SLC9A2: variants seen among roughly 807,000 people sequenced by gnomAD.
The protein encoded by SLC9A2 is sodium/hydrogen exchanger 2.
Under a neutral mutation model 71.7 loss-of-function variants are expected in SLC9A2, and 42 were observed. The observed-to-expected ratio is 0.59, with a 90% confidence interval of 0.46 to 0.76. SLC9A2 has a LOEUF of 0.76. SLC9A2 is among the 30% of genes least tolerant of loss of function. The pLI is 0.00. For synonymous variants in SLC9A2, 396 were observed against 392.5 expected, an observed-to-expected ratio of 1.01 and a Z score of -0.10; for missense variants, 829 against 1,017.4, an observed-to-expected ratio of 0.81 and a Z score of 2.52.
chr2:102,662,420 CTG>C (rs1677066246), intron 2 of SLC9A2, among the ~76,000 whole-genome samples: 1 of 152,156 alleles, frequency 6.6e-6, no homozygotes, highest in Non-Finnish European at 1.5e-5. Context: ...AGACTCAGCT[CTG>C]TGCTAAAGGA....
At chr2:102,671,154 A>G (rs1261282943) in intron 3 of SLC9A2, among the ~76,000 whole-genome samples, 1 of 152,210 alleles carries the variant, frequency 6.6e-6, no homozygotes, top group African/African-American at 2.4e-5. Flanking sequence ...GAGAGTTTAC[A>G]GAGAAGGAAG....
intron 1 of SLC9A2, among the ~76,000 whole-genome samples, chr2:102,654,566 T>C (rs1443396909): frequency 6.6e-6 from 1 of 152,248 alleles, no homozygotes; most frequent in Admixed American, 6.5e-5. Flanking sequence ...TTTAGTGCTA[T>C]GGGTTTAGTC....
intron 1 of SLC9A2, among the ~76,000 whole-genome samples, chr2:102,644,344 G>A (rs1214348124): frequency 6.6e-6 from 1 of 152,158 alleles, no homozygotes; most frequent in Non-Finnish European, 1.5e-5. Context: ...TCCCTTGGGT[G>A]CCTACACAAC....
chr2:102,702,464 G>A lies in SLC9A2; in HGVS notation c.1807G>A (p.Glu603Lys), dbSNP rs955357416. Reference sequence around the variant, plus strand: ...GTCCAGTGAAACTGATGAAATTCGAGAACTCTTATCAAGAAATCTCTATCA... The same window carrying A: ...GTCCAGTGAAACTGATGAAATTCGAAAACTCTTATCAAGAAATCTCTATCA... ...VTSSETDEIR[E>K]LLSRNLYQIR... Residue 603 changes from glutamate (E) to lysine (K), a missense_variant, in exon 9 of 12, where the codon GAA becomes AAA. Transcript: ENST00000233969. 6.2e-7 allele frequency: 1 copy of A among 1,602,586 alleles called. No homozygotes were observed. The highest frequency in any genetic ancestry group is 1.3e-5 in the African/African-American group (1 of 74,328).
intron 7 of SLC9A2, among the ~76,000 whole-genome samples, chr2:102,700,537 T>C (rs1677853203): frequency 6.6e-6 from 1 of 152,200 alleles, no homozygotes; most frequent in Non-Finnish European, 1.5e-5. Context: ...GGATTCATAA[T>C]TGCCCACTGC....
At chr2:102,695,502 T>C (rs1016507715) in intron 7 of SLC9A2, among the ~76,000 whole-genome samples, 3 of 151,678 alleles carry the variant, frequency 2.0e-5, no homozygotes, top group Admixed American at 6.6e-5. Context: ...AGATGATGAG[T>C]AGACAAAGCA....
rs570690750 is a variant in SLC9A2, at chr2:102,694,671, G to C, written c.1515+168G>C. On this transcript the variant is annotated intron_variant, in intron 6 of 11. Coordinates refer to ENST00000233969, the MANE Select transcript of SLC9A2 (RefSeq NM_003048.6). ...GCTGGGGGAGTATAGAATAGATATG[G>C]CCCCACGGTAACTTCTCCAGGTTAG... 4.6e-5 allele frequency among the ~76,000 whole-genome samples: 7 copies of C among 152,238 alleles called. 1 individual carries two copies. In the East Asian group the frequency reaches 1.4e-3, roughly 29 times the overall value.
At chr2:102,680,617 A>G (rs1039858919) in intron 3 of SLC9A2, among the ~76,000 whole-genome samples, 1 of 152,142 alleles carries the variant, frequency 6.6e-6, no homozygotes, top group African/African-American at 2.4e-5. Flanking sequence ...GGTTCAGGAT[A>G]CAGTTTAGGG....
intron 3 of SLC9A2, among the ~76,000 whole-genome samples, chr2:102,670,562 G>C: frequency 7.4e-6 from 1 of 135,936 alleles, no homozygotes; most frequent in Non-Finnish European, 1.5e-5. Flanking sequence ...CAGTTACCAG[G>C]CCAGTCCTGT....
rs868359434 is a variant in SLC9A2 at position 102,683,389 on chromosome 2, TG to T, written c.1136del (p.Gly379ValfsTer34). ...AGCGAAACCTTGATCTTCATCTTCA[TG>T]GGTGTGTCTACCGTGGGCAAGAACC... ...SVSETLIFIF[M>X]GVSTVGKNHE... is the part of the protein sequence containing the mutation. On this transcript the variant is annotated frameshift_variant, in exon 4 of 12. Coordinates refer to ENST00000233969, the MANE Select transcript of SLC9A2 (RefSeq NM_003048.6). LOFTEE classifies it high-confidence loss of function. 13 of 1,614,076 alleles carry T rather than the reference TG, an allele frequency of 8.1e-6. No individual in the cohort carries two copies. The highest frequency in any genetic ancestry group is 2.7e-5 in the African/African-American group (2 of 74,928).
intron 1 of SLC9A2, among the ~76,000 whole-genome samples, chr2:102,636,642 CG>C (rs1676474086): frequency 6.6e-6 from 1 of 152,148 alleles, no homozygotes; most frequent in South Asian, 2.1e-4. Context: ...TGGCATAAAT[CG>C]TTTACTAACA....
chr2:102,692,687 T>C (rs10175179), intron 5 of SLC9A2, among the ~76,000 whole-genome samples: 38,778 of 152,216 alleles, frequency 0.25, 6,237 homozygotes, highest in Middle Eastern at 0.37. Flanking sequence ...ATCTTCTGGT[T>C]ACATTTACTT....
At chr2:102,666,244 T>G (rs938093231) in intron 3 of SLC9A2, among the ~76,000 whole-genome samples, 2 of 145,858 alleles carry the variant, frequency 1.4e-5, no homozygotes, top group Admixed American at 1.5e-4. Flanking sequence ...CGCCTAGGCT[T>G]GAGTGCAGCG....
chr2:102,708,854 A>G lies in SLC9A2; in HGVS notation c.*365A>G, dbSNP rs1678040558. On this transcript the variant is annotated 3_prime_UTR_variant, in exon 12 of 12. Transcript: ENST00000233969. Reference sequence around the variant, plus strand: ...TTATATGCTTCAAATTTTATTTATGAAAAAATATGTATATCTGTAATCAGT... The same window carrying G: ...TTATATGCTTCAAATTTTATTTATGGAAAAATATGTATATCTGTAATCAGT... 4.8e-6 allele frequency: 1 copy of G among 208,878 alleles called. No homozygotes were observed. The highest frequency in any genetic ancestry group is 9.7e-6 in the Non-Finnish European group (1 of 103,346). 12.9% of individuals were successfully genotyped at this position (208,878 alleles called of 1,614,324 possible).
At chr2:102,675,277 A>T (rs1301457048) in intron 3 of SLC9A2, among the ~76,000 whole-genome samples, 2 of 152,080 alleles carry the variant, frequency 1.3e-5, no homozygotes, top group Non-Finnish European at 2.9e-5. Flanking sequence ...GGTGTAATTG[A>T]AGGCTCCAAG....
chr2:102,645,134 C>T (rs1206901643), intron 1 of SLC9A2, among the ~76,000 whole-genome samples: 1 of 152,232 alleles, frequency 6.6e-6, no homozygotes, highest in Non-Finnish European at 1.5e-5. Flanking sequence ...TCTGCAGCCT[C>T]CGCTGGTAAT....
chr2:102,702,621 G>A (rs1677896131), intron 9 of SLC9A2, 119 bp downstream of exon 9: 2 of 626,988 alleles, frequency 3.2e-6, no homozygotes, highest in Non-Finnish European at 5.7e-6. Context: ...CCCATGCTGG[G>A]CATCTTCTCT....
intron 6 of SLC9A2, 64 bp from the exon 7 acceptor site, chr2:102,694,979 A>G: frequency 7.4e-7 from 1 of 1,352,074 alleles, no homozygotes; most frequent in Admixed American, 1.7e-5. Context: ...AAATGATACA[A>G]GTAGAGTGAA....
At position 102,672,134 on chromosome 2, in the gene SLC9A2, A is replaced by G. The variant is rs145068812; in HGVS notation, c.1004+6784A>G. ...AAAAAAATAATAATAATAAAAATAA[A>G]TTTAAAAATATATAGCAGATTTTTA... On this transcript the variant is annotated intron_variant, in intron 3 of 11. Transcript: ENST00000233969. Among the ~76,000 whole-genome samples, 395 of 152,216 alleles carry G rather than the reference A, an allele frequency of 2.6e-3. 7 individuals carry two copies. The highest frequency in any genetic ancestry group is 9.0e-3 in the African/African-American group (374 of 41,548).
Sources: allele counts gnomAD v4.1 joint callset (sites outside exome capture counted in the v4.1 genomes callset), GRCh38; gene constraint gnomAD v4.1.1; transcripts MANE v1.5; gene names NCBI Gene and HGNC (gene_info 2026-07-23, HGNC 2026-07-21).